CHRND: variants seen among roughly 807,000 people sequenced by gnomAD.
CHRND encodes the protein acetylcholine receptor subunit delta.
A neutral mutation model predicts 57.8 loss-of-function variants in CHRND; 40 were observed. That is an observed-to-expected ratio of 0.69 (90% CI 0.54 to 0.90). The LOEUF is 0.90. Among genes scored for constraint, CHRND ranks in the 40% least tolerant of loss-of-function variants. CHRND has a pLI of 0.00. For missense variants in CHRND, 634 were observed against 673.9 expected (o/e 0.94, Z 0.66); for synonymous variants, 237 against 270.6 (o/e 0.88, Z 1.22).
Position 232,536,652 on chromosome 2 carries a change from T to C in CHRND, c.*1340T>C, listed in dbSNP as rs1180642603. 2.8e-6 allele frequency: 1 copy of C among 356,308 alleles called. No individual in the cohort carries two copies. Among genetic ancestry groups the C allele is most frequent in the South Asian group, 2.1e-5 (1 of 47,388 alleles). The allele number at this position is 356,308 out of a possible 1,614,324, so 22.1% of individuals were successfully genotyped here. On this transcript the variant is annotated 3_prime_UTR_variant, in exon 12 of 12. Transcript: ENST00000258385. ...AACTGTGTGAGATAATAAATGTGTGTTGTTTTAAGTGACAACGTTTTGGTG... is the reference window on the plus strand; with the variant it reads ...AACTGTGTGAGATAATAAATGTGTGCTGTTTTAAGTGACAACGTTTTGGTG...
At chr2:232,535,040 C>T in intron 11 of CHRND, 90 bp from the exon 12 acceptor site, 1 of 1,504,104 alleles carries the variant, frequency 6.6e-7, no homozygotes, top group Non-Finnish European at 9.2e-7. Context: ...ACTGAGCCGC[C>T]CTCTGCCTCC....
At chr2:232,533,315 C>T (rs922568187) in intron 9 of CHRND, among the ~76,000 whole-genome samples, 4 of 152,194 alleles carry the variant, frequency 2.6e-5, no homozygotes, top group East Asian at 1.9e-4. Flanking sequence ...CCACTGTGCC[C>T]GGCCTTAGCA....
chr2:232,536,541 C>T lies in CHRND; in HGVS notation c.*1229C>T. 2.3e-6 allele frequency: 1 copy of T among 442,840 alleles called. No individual in the cohort carries two copies. Among genetic ancestry groups the T allele is most frequent in the South Asian group, 1.6e-5 (1 of 63,288 alleles). The allele number at this position is 442,840 out of a possible 1,614,324, so 27.4% of individuals were successfully genotyped here. A position where few individuals can be genotyped will look rare whatever the true frequency, so the allele number is the denominator to read the frequency against. On this transcript the variant is annotated 3_prime_UTR_variant, in exon 12 of 12. Coordinates refer to ENST00000258385, the MANE Select transcript of CHRND (RefSeq NM_000751.3). ...GTAGGGCCTTCGGATGAGATCACAGCCCAGTAGACATCTTATGTGCAGCCC... is the reference window on the plus strand; with the variant it reads ...GTAGGGCCTTCGGATGAGATCACAGTCCAGTAGACATCTTATGTGCAGCCC...
chr2:232,531,588 T>C lies in CHRND; in HGVS notation c.979T>C (p.Cys327Arg). The change falls in exon 9 of 12, where the codon TGT becomes CGT. Residue 327 changes from cysteine (C) to arginine (R), a missense_variant. By Grantham distance (180) the Cys-to-Arg change is radical (BLOSUM62 -3). Transcript: ENST00000258385. ...MVLVTMVVVI[C>R]VIVLNIHFRT... Reference sequence around the variant, plus strand: ...GCTGGTCACCATGGTTGTGGTGATCTGTGTCATCGTGCTCAACATCCACTT... The same window carrying C: ...GCTGGTCACCATGGTTGTGGTGATCCGTGTCATCGTGCTCAACATCCACTT... The C allele has an allele frequency of 6.2e-7, 1 of 1,614,060 alleles. No homozygotes were observed. Among genetic ancestry groups the C allele is most frequent in the Non-Finnish European group, 8.5e-7 (1 of 1,180,036 alleles).
intron 3 of CHRND, among the ~76,000 whole-genome samples, chr2:232,527,687 T>C (rs1378362041): frequency 1.3e-5 from 2 of 152,122 alleles, no homozygotes; most frequent in East Asian, 1.9e-4. Context: ...GAGCTTGCAG[T>C]GAGCCGAGAT....
Position 232,531,591 on chromosome 2 carries a change from G to A in CHRND, c.982G>A (p.Val328Ile), listed in dbSNP as rs762813704. ...VLVTMVVVIC[V>I]IVLNIHFRTP... ...GGTCACCATGGTTGTGGTGATCTGT[G>A]TCATCGTGCTCAACATCCACTTCCG... is the stretch of plus-strand genomic sequence containing the variant. The change falls in exon 9 of 12, where the codon GTC (valine) becomes ATC (isoleucine). Residue 328 changes from valine to isoleucine, a missense_variant. Coordinates refer to ENST00000258385, the MANE Select transcript of CHRND (RefSeq NM_000751.3). 6.2e-7 allele frequency: 1 copy of A among 1,614,050 alleles called. No homozygotes were observed.
At position 232,526,640 on chromosome 2, in the gene CHRND, C is replaced by T. The variant is rs1352974311; in HGVS notation, c.164C>T (p.Ala55Val). ...CACAAAGAGGAGAGTGTGGACGTTG[C>T]CCTGGCCCTCACACTCTCCAACCTC... ...VAHKEESVDVALALTLSNLIS... is the reference protein window; with the variant it reads ...VAHKEESVDVVLALTLSNLIS... Residue 55 changes from alanine (A) to valine (V), a missense_variant, in exon 2 of 12, where the codon GCC becomes GTC. Coordinates refer to ENST00000258385, the MANE Select transcript of CHRND (RefSeq NM_000751.3). 7 of 1,613,578 alleles carry T rather than the reference C, an allele frequency of 4.3e-6. No individual in the cohort carries two copies. Among genetic ancestry groups the T allele is most frequent in the Middle Eastern group, 1.6e-4 (1 of 6,084 alleles).
Position 232,535,426 on chromosome 2 carries a change from A to G in CHRND, c.*114A>G, listed in dbSNP as rs1363311796. The G allele has an allele frequency of 7.5e-7, 1 of 1,328,306 alleles. No individual in the cohort carries two copies. Among genetic ancestry groups the G allele is most frequent in the East Asian group, 2.4e-5 (1 of 42,168 alleles). The allele number at this position is 1,328,306 out of a possible 1,614,324, so 82.3% of individuals were successfully genotyped here. A position where few individuals can be genotyped will look rare whatever the true frequency, so the allele number is the denominator to read the frequency against. On this transcript the variant is annotated 3_prime_UTR_variant, in exon 12 of 12. Transcript: ENST00000258385. ...TGCCCCTCAGACTGGGGAAGAGTCCAAGGAAGGGAGGGAGCAGCCACTCCT... is the reference window on the plus strand; with the variant it reads ...TGCCCCTCAGACTGGGGAAGAGTCCGAGGAAGGGAGGGAGCAGCCACTCCT...
chr2:232,529,981 A>G lies in CHRND; in HGVS notation c.662A>G (p.Asn221Ser), dbSNP rs774497252. 3.7e-6 allele frequency: 6 copies of G among 1,613,972 alleles called. No individual in the cohort carries two copies. The highest frequency in any genetic ancestry group is 2.2e-5 in the South Asian group (2 of 91,064). Residue 221 changes from asparagine (N) to serine (S), a missense_variant, in exon 7 of 12, where the codon AAC (asparagine) becomes AGC (serine). By Grantham distance (46) the Asn-to-Ser change is conservative. Coordinates refer to ENST00000258385, the MANE Select transcript of CHRND (RefSeq NM_000751.3). ...ATAGTCCACCGGCCGGCCAGGGTCA[A>G]CGTGGACCCCAGAGCCCCTCTGGAC... The part of the protein sequence containing the change: ...WEIVHRPARV[N>S]VDPRAPLDSP...
In CHRND at chr2:232,535,454, A is replaced by C; in HGVS notation, c.*142A>C. ...GAAGGGAGGGAGCAGCCACTCCTCA[A>C]TGCTCAATGGCTCCCCTGAAATCAA... On this transcript the variant is annotated 3_prime_UTR_variant, in exon 12 of 12. Transcript: ENST00000258385. 3 of 992,486 alleles carry C rather than the reference A, an allele frequency of 3.0e-6. No individual in the cohort carries two copies. Among genetic ancestry groups the C allele is most frequent in the Non-Finnish European group, 3.1e-6 (2 of 650,184 alleles). 61.5% of individuals were successfully genotyped at this position (992,486 alleles called of 1,614,324 possible).
rs1346939471 is a variant in CHRND at position 232,535,353 on chromosome 2, A to G, written c.*41A>G. 5.6e-6 allele frequency: 9 copies of G among 1,605,374 alleles called. No homozygotes were observed. Among genetic ancestry groups the G allele is most frequent in the Non-Finnish European group, 7.6e-6 (9 of 1,178,288 alleles). On this transcript the variant is annotated 3_prime_UTR_variant, in exon 12 of 12. Transcript: ENST00000258385. ...GAGCCAGGAGACAGCAGGGTCTGAG[A>G]GAGGAGCCACAGTCCCTAATGACAC...
rs569016151 is a variant in CHRND at position 232,536,526 on chromosome 2, C to T, written c.*1214C>T. 27 of 450,980 alleles carry T rather than the reference C, an allele frequency of 6.0e-5. No individual in the cohort carries two copies. In the East Asian group the frequency reaches 9.7e-4, roughly 16 times the overall value. 27.9% of individuals were successfully genotyped at this position (450,980 alleles called of 1,614,324 possible). ...GGATCCTCTGCCCCAGTAGGGCCTTCGGATGAGATCACAGCCCAGTAGACA... is the reference window on the plus strand; with the variant it reads ...GGATCCTCTGCCCCAGTAGGGCCTTTGGATGAGATCACAGCCCAGTAGACA... On this transcript the variant is annotated 3_prime_UTR_variant, in exon 12 of 12. Coordinates refer to ENST00000258385, the MANE Select transcript of CHRND (RefSeq NM_000751.3).
chr2:232,528,770 C>A, intron 5 of CHRND, 92 bp from the exon 6 acceptor site: 1 of 1,580,122 alleles, frequency 6.3e-7, no homozygotes, highest in Non-Finnish European at 8.7e-7. Context: ...TAGTGCTGCC[C>A]TCCCCACAAT....
At chr2:232,534,185 G>A in intron 10 of CHRND, 39 bp from the exon 11 acceptor site, 1 of 1,613,464 alleles carries the variant, frequency 6.2e-7, no homozygotes, top group Non-Finnish European at 8.5e-7. Flanking sequence ...GAGGTGGGTG[G>A]AGGCAGGCCT....
At chr2:232,532,613 C>G (rs1445691449) in intron 9 of CHRND, among the ~76,000 whole-genome samples, 1 of 152,132 alleles carries the variant, frequency 6.6e-6, no homozygotes, top group Non-Finnish European at 1.5e-5. Flanking sequence ...CAGCCCTGCA[C>G]GTGTGAACCT....
chr2:232,535,422 G>C lies in CHRND; in HGVS notation c.*110G>C, dbSNP rs779369921. ...CTCGTGCCCCTCAGACTGGGGAAGAGTCCAAGGAAGGGAGGGAGCAGCCAC... is the reference window on the plus strand; with the variant it reads ...CTCGTGCCCCTCAGACTGGGGAAGACTCCAAGGAAGGGAGGGAGCAGCCAC... On this transcript the variant is annotated 3_prime_UTR_variant, in exon 12 of 12. Coordinates refer to ENST00000258385, the MANE Select transcript of CHRND (RefSeq NM_000751.3). The C allele has an allele frequency of 5.9e-6, 8 of 1,350,992 alleles. No homozygotes were observed. The highest frequency in any genetic ancestry group is 1.8e-5 in the Admixed American group (1 of 55,544). The allele number at this position is 1,350,992 out of a possible 1,614,324, so 83.7% of individuals were successfully genotyped here.
At position 232,535,773 on chromosome 2, in the gene CHRND, A is replaced by G. The variant is rs1307650437; in HGVS notation, c.*461A>G. 2.2e-6 allele frequency: 1 copy of G among 455,298 alleles called. No homozygotes were observed. Among genetic ancestry groups the G allele is most frequent in the Non-Finnish European group, 4.4e-6 (1 of 227,792 alleles). 28.2% of individuals were successfully genotyped at this position (455,298 alleles called of 1,614,324 possible). On this transcript the variant is annotated 3_prime_UTR_variant, in exon 12 of 12. Coordinates refer to ENST00000258385, the MANE Select transcript of CHRND (RefSeq NM_000751.3). ...GCTTCTGAGGCCTCACCTGGGACTGAGGTTGAGGACACCTCCCTCCCTCCA... is the reference window on the plus strand; with the variant it reads ...GCTTCTGAGGCCTCACCTGGGACTGGGGTTGAGGACACCTCCCTCCCTCCA...
chr2:232,527,254 C>A, intron 2 of CHRND, 147 bp from the exon 3 acceptor site: 1 of 801,274 alleles, frequency 1.2e-6, no homozygotes, highest in South Asian at 1.4e-5. Context: ...TGCAGTGAGC[C>A]AAGCTCGTGC....
intron 9 of CHRND, among the ~76,000 whole-genome samples, chr2:232,533,272 G>A (rs1330552709): frequency 1.3e-5 from 2 of 152,140 alleles, no homozygotes; most frequent in Non-Finnish European, 2.9e-5. Flanking sequence ...CACCTGCCTC[G>A]GCTTCCCAAA....
Sources: allele counts gnomAD v4.1 joint callset (sites outside exome capture counted in the v4.1 genomes callset), GRCh38; gene constraint gnomAD v4.1.1; transcripts MANE v1.5; gene names NCBI Gene and HGNC (gene_info 2026-07-23, HGNC 2026-07-21).